CCDC9: variants seen among roughly 807,000 people sequenced by gnomAD.
CCDC9 encodes coiled-coil domain-containing protein 9.
Under a neutral mutation model 65.6 loss-of-function variants are expected in CCDC9, and 52 were observed. The ratio of observed to expected loss-of-function variants is 0.79; its 90% CI spans 0.63 to 1.00. CCDC9 has a LOEUF of 1.00. Among genes scored for constraint, CCDC9 ranks in the 50% least tolerant of loss-of-function variants. The pLI is 0.00. For missense variants in CCDC9, 834 were observed against 757.2 expected (o/e 1.10, Z -1.19); for synonymous variants, 332 against 280.3 (o/e 1.18, Z -1.84).
intron 3 of CCDC9, 90 bp downstream of exon 3, chr19:47,258,753 G>A: frequency 2.2e-6 from 2 of 925,586 alleles, no homozygotes; most frequent in Non-Finnish European, 3.5e-6. Flanking sequence ...CCTTTTCATG[G>A]CTCCCCATCA....
intron 8 of CCDC9, among the ~76,000 whole-genome samples, chr19:47,268,265 C>T (rs1452001817): frequency 1.3e-5 from 2 of 152,122 alleles, no homozygotes; most frequent in East Asian, 1.9e-4. Flanking sequence ...ACTTCCATAA[C>T]CAAGAAGGAG....
At chr19:47,268,081 T>C (rs1052211919) in intron 8 of CCDC9, among the ~76,000 whole-genome samples, 8 of 152,254 alleles carry the variant, frequency 5.3e-5, no homozygotes, top group African/African-American at 1.2e-4. Context: ...ACTCCTGACC[T>C]CATGATTCAC....
intron 1 of CCDC9, chr19:47,257,765 G>C (rs1342150707): frequency 6.4e-6 from 1 of 156,088 alleles, no homozygotes; most frequent in Admixed American, 6.3e-5. Context: ...GCGCGGGCTT[G>C]GAATGTTCTC....
chr19:47,275,054 G>T, downstream of CCDC9: 1 of 1,493,770 alleles, frequency 6.7e-7, no homozygotes, highest in Non-Finnish European at 8.9e-7. Flanking sequence ...TAGCTGCCGT[G>T]CTGCTCGCCG....
At chr19:47,274,064 C>T (rs1001992971), downstream of CCDC9, 3 of 811,328 alleles carry the variant, frequency 3.7e-6, no homozygotes, top group African/African-American at 3.7e-5. Flanking sequence ...GATTTCCAGG[C>T]TGTGTTCTTT....
At chr19:47,265,529 T>C (rs1229925147) in intron 7 of CCDC9, among the ~76,000 whole-genome samples, 1 of 152,056 alleles carries the variant, frequency 6.6e-6, no homozygotes, top group Non-Finnish European at 1.5e-5. Flanking sequence ...CACTTGGTGG[T>C]CCACCCCTAA....
Position 47,264,551 on chromosome 19 carries a change from G to A in CCDC9, c.463-52G>A. The A allele has an allele frequency of 3.3e-6, 5 of 1,517,458 alleles. No homozygotes were observed. In the South Asian group the frequency reaches 4.8e-5, roughly 15 times the overall value. The allele number at this position is 1,517,458 out of a possible 1,614,324, so 94.0% of individuals were successfully genotyped here. ...GCTGGGCAGCCCGTCTCCTGCACCG[G>A]CAGCTTAATAGTTCTCCCTGAAGCT... On this transcript the variant is annotated intron_variant, in intron 5 of 11. Transcript: ENST00000221922.
intron 8 of CCDC9, among the ~76,000 whole-genome samples, 178 bp downstream of exon 8, chr19:47,266,970 CT>C (rs1004084324): frequency 9.4e-4 from 137 of 146,424 alleles, no homozygotes; most frequent in Middle Eastern, 3.5e-3. Context: ...TTCTGGTTTT[CT>C]TTTTTTTTTT....
At chr19:47,265,984 CTTTTTTTTTTTTTTTTTT>C (rs1158302196) in intron 7 of CCDC9, among the ~76,000 whole-genome samples, 1 of 72,626 alleles carries the variant, frequency 1.4e-5, no homozygotes, top group Non-Finnish European at 2.3e-5. Context: ...CCGCTCCTGG[CTTTTTTTTTTTTTTTTTT>C]TTTTTTTTTT....
chr19:47,262,492 CAT>C (rs1038240869), intron 5 of CCDC9, among the ~76,000 whole-genome samples: 5 of 151,580 alleles, frequency 3.3e-5, no homozygotes, highest in South Asian at 2.1e-4. Flanking sequence ...GCTGCGATGA[CAT>C]GTGTGAGCTG....
At chr19:47,274,721 T>A, downstream of CCDC9, 3 of 193,832 alleles carry the variant, frequency 1.5e-5, no homozygotes, top group Non-Finnish European at 2.5e-5. Context: ...CACCTCCGCC[T>A]GTCGGTGGTG....
intron 5 of CCDC9, among the ~76,000 whole-genome samples, chr19:47,263,648 C>T (rs2059060251): frequency 6.6e-6 from 1 of 151,102 alleles, no homozygotes; most frequent in Non-Finnish European, 1.5e-5. Flanking sequence ...TCACTGCAAC[C>T]TCCGCCTTTT....
At chr19:47,267,432 G>A (rs1434296988) in intron 8 of CCDC9, among the ~76,000 whole-genome samples, 2 of 152,060 alleles carry the variant, frequency 1.3e-5, no homozygotes, top group African/African-American at 4.8e-5. Context: ...GATTTCTTCT[G>A]TGTTCATGGG....
At chr19:47,275,107 C>G (rs2059149357), downstream of CCDC9, 4 of 1,492,928 alleles carry the variant, frequency 2.7e-6, no homozygotes, top group Non-Finnish European at 3.6e-6. Context: ...TCTCCCGCGG[C>G]ACCCGCCGGC....
chr19:47,256,854 G>A (rs1600272790), intron 1 of CCDC9, among the ~76,000 whole-genome samples: 1 of 152,036 alleles, frequency 6.6e-6, no homozygotes, highest in African/African-American at 2.4e-5. Context: ...AGTTGTGGCT[G>A]GACTGTGGGC....
chr19:47,260,221 G>C, intron 3 of CCDC9, 100 bp from the exon 4 acceptor site: 1 of 806,774 alleles, frequency 1.2e-6, no homozygotes, highest in Non-Finnish European at 2.1e-6. Context: ...CAGGAGAGAG[G>C]CCTGGGCTGG....
At position 47,264,676 on chromosome 19, in the gene CCDC9, G is replaced by C; in HGVS notation, c.536G>C (p.Arg179Pro). ...EEMEKIAEYE[R>P]NQREGVLEPN... is the part of the protein sequence containing the mutation. ...ATGGAGAAGATCGCCGAGTATGAGCGCAACCAGCGGGTCAGTGGTGCGGGT... is the reference window on the plus strand; with the variant it reads ...ATGGAGAAGATCGCCGAGTATGAGCCCAACCAGCGGGTCAGTGGTGCGGGT... Residue 179 changes from arginine to proline, a missense_variant, in exon 6 of 12, where the codon CGC (arginine) becomes CCC (proline). Transcript: ENST00000221922. The C allele has an allele frequency of 1.2e-6, 2 of 1,604,410 alleles. No individual in the cohort carries two copies.
rs758222531 is a variant in CCDC9 at position 47,260,748 on chromosome 19, G to A, written c.371G>A (p.Gly124Glu). The change falls in exon 5 of 12, where the codon GGA (glycine) becomes GAA (glutamate). Residue 124 changes from glycine to glutamate, a missense_variant. Physicochemically the swap from Gly to Glu is moderately conservative, Grantham distance 98. Coordinates refer to ENST00000221922, the MANE Select transcript of CCDC9 (RefSeq NM_015603.3). ...CCCGGGGAGCAGCCTCGAGGAGGAG[G>A]AGCTGGGGGCCGTGGCCGGAGGGGC... ...GSPGEQPRGG[G>E]AGGRGRRGRG... is the part of the protein sequence containing the mutation. 1 of 1,607,308 alleles carries A rather than the reference G, an allele frequency of 6.2e-7. No individual in the cohort carries two copies. The highest frequency in any genetic ancestry group is 8.5e-7 in the Non-Finnish European group (1 of 1,177,330).
At chr19:47,270,710 C>A in intron 10 of CCDC9, 22 bp downstream of exon 10, 1 of 1,601,834 alleles carries the variant, frequency 6.2e-7, no homozygotes. Context: ...CTTCTGCGGG[C>A]TTGCATACCC....
Sources: gnomAD v4.1 joint callset for allele counts (sites outside exome capture counted in the v4.1 genomes callset) on GRCh38, gnomAD v4.1.1 for gene constraint, MANE v1.5 for transcripts, NCBI Gene and HGNC (gene_info 2026-07-23, HGNC 2026-07-21) for gene names.